HBP1: variants seen among roughly 807,000 people sequenced by gnomAD.
HBP1 encodes HMG box-containing protein 1.
Under a neutral mutation model 62.6 loss-of-function variants are expected in HBP1, and 20 were observed. That is an observed-to-expected ratio of 0.32 (90% CI 0.22 to 0.46). HBP1 has a LOEUF of 0.46. Ranked by LOEUF, HBP1 falls within the 20% of genes least tolerant of loss-of-function variation. The pLI, the probability that HBP1 is intolerant of heterozygous loss-of-function variation, is 1.00. For missense variants in HBP1, 480 were observed against 611.8 expected (o/e 0.78, Z 2.27); for synonymous variants, 232 against 206.2 (o/e 1.12, Z -1.07).
chr7:107,186,156 C>CTTTTTTTTTTTT (rs946488645), intron 4 of HBP1, among the ~76,000 whole-genome samples: 21 of 127,258 alleles, frequency 1.7e-4, no homozygotes, highest in Non-Finnish European at 2.3e-4. Context: ...TCTTTTTTTT[C>CTTTTTTTTTTTT]TTTTTTTTTC....
In HBP1 at chr7:107,184,572, G is replaced by A. The variant is rs528553934; in HGVS notation, c.399-1229G>A. Among the ~76,000 whole-genome samples the A allele has an allele frequency of 5.3e-5, 8 of 152,260 alleles. No homozygotes were observed. In the East Asian group the frequency reaches 5.8e-4, roughly 11 times the overall value. ...GTCGCCCAGGCTCGAGTGCAGTGGT[G>A]CAATCTCGGCTCACTGCAAGCTCCG... On this transcript the variant is annotated intron_variant, in intron 3 of 10. Transcript: ENST00000222574.
intron 9 of HBP1, among the ~76,000 whole-genome samples, chr7:107,197,815 T>A (rs1797999176): frequency 6.6e-6 from 1 of 152,238 alleles, no homozygotes; most frequent in African/African-American, 2.4e-5. Flanking sequence ...AAAAGTTAGT[T>A]TGGAAGTCTA....
At chr7:107,175,310 A>G (rs1796781156) in intron 1 of HBP1, among the ~76,000 whole-genome samples, 1 of 152,108 alleles carries the variant, frequency 6.6e-6, no homozygotes, top group Non-Finnish European at 1.5e-5. Flanking sequence ...TATTCTGAGC[A>G]TTTTACATGA....
chr7:107,179,833 A>G, intron 1 of HBP1, 46 bp from the exon 2 acceptor site: 1 of 1,342,480 alleles, frequency 7.4e-7, no homozygotes, highest in Non-Finnish European at 1.0e-6. Flanking sequence ...GTACTGCCCA[A>G]ATTGCATGGC....
intron 8 of HBP1, chr7:107,193,428 G>A (rs896640655): frequency 6.6e-6 from 1 of 152,104 alleles, no homozygotes; most frequent in African/African-American, 2.4e-5. Flanking sequence ...ACTCACCTAA[G>A]ATACTTCTAC....
chr7:107,170,137 C>T, intron 1 of HBP1: 1 of 948,310 alleles, frequency 1.1e-6, no homozygotes, highest in Non-Finnish European at 1.3e-6. Context: ...CGAGGTAATA[C>T]TCAAGTTTTC....
At chr7:107,187,447 ATATT>A (rs1485443705) in intron 6 of HBP1, among the ~76,000 whole-genome samples, 10 of 152,174 alleles carry the variant, frequency 6.6e-5, no homozygotes, top group Non-Finnish European at 1.3e-4. Context: ...GTAGCGAGCA[ATATT>A]AGGATAAAGT....
chr7:107,177,472 G>T lies in HBP1; in HGVS notation c.-15-2407G>T, dbSNP rs112553921. ...AGTAAGGCAATATGCATGCAGTTGG[G>T]CTATGTGTCAAGAACGCTGTATCTA... On this transcript the variant is annotated intron_variant, in intron 1 of 10. Transcript: ENST00000222574. 8.1e-4 allele frequency among the ~76,000 whole-genome samples: 123 copies of T among 152,316 alleles called. 1 individual carries two copies. The highest frequency in any genetic ancestry group is 2.7e-3 in the African/African-American group (113 of 41,564).
At chr7:107,174,572 A>C in intron 1 of HBP1, 7 of 985,422 alleles carry the variant, frequency 7.1e-6, no homozygotes, top group Non-Finnish European at 8.4e-6. Flanking sequence ...TAGGGAAGAA[A>C]AAAGTTCTAG....
At chr7:107,177,718 A>G (rs1317532811) in intron 1 of HBP1, among the ~76,000 whole-genome samples, 1 of 152,244 alleles carries the variant, frequency 6.6e-6, no homozygotes, top group Non-Finnish European at 1.5e-5. Flanking sequence ...GTATCAAACT[A>G]TAATATGAAA....
Position 107,201,534 on chromosome 7 carries a change from G to A in HBP1, c.*103G>A. 3.0e-6 allele frequency: 2 copies of A among 657,378 alleles called. No homozygotes were observed. The highest frequency in any genetic ancestry group is 2.4e-5 in the Admixed American group (1 of 41,536). The allele number at this position is 657,378 out of a possible 1,614,324, so 40.7% of individuals were successfully genotyped here. A position where few individuals can be genotyped will look rare whatever the true frequency, so the allele number is the denominator to read the frequency against. ...CTCACCATTTGTCCTCAATTCGTGT[G>A]ACCATAAGATACTGATAGCATTGAG... On this transcript the variant is annotated 3_prime_UTR_variant, in exon 11 of 11. Coordinates refer to ENST00000222574, the MANE Select transcript of HBP1 (RefSeq NM_012257.4).
intron 1 of HBP1, chr7:107,169,625 C>A: frequency 2.1e-6 from 1 of 472,686 alleles, no homozygotes; most frequent in Non-Finnish European, 2.8e-6. Flanking sequence ...AGGTGGGGGA[C>A]CCCAGTGAGG....
At chr7:107,196,745 C>T (rs530906143) in intron 9 of HBP1, 1 of 156,688 alleles carries the variant, frequency 6.4e-6, no homozygotes, top group Non-Finnish European at 1.4e-5. Context: ...ATCTCCCAGG[C>T]TCAATCCTCC....
At chr7:107,169,541 C>T (rs915846749) in intron 1 of HBP1, among the ~76,000 whole-genome samples, 14 of 144,772 alleles carry the variant, frequency 9.7e-5, no homozygotes, top group Non-Finnish European at 1.9e-4. Flanking sequence ...CGGGGCTGCC[C>T]AGGAAAGTTT....
rs1160740045 is a variant in HBP1 at position 107,171,071 on chromosome 7, A to ATTTTTTTTTTTTTTTT, written c.-16+1887_-16+1888insTTTTTTTTTTTTTTTT. On this transcript the variant is annotated intron_variant, in intron 1 of 10. Transcript: ENST00000222574. Reference sequence around the variant, plus strand: ...AATATATATATATATATATATATATATATTTTTTTTTTTTTTTGAGAGGGA... The same window carrying ATTTTTTTTTTTTTTTT: ...AATATATATATATATATATATATATATTTTTTTTTTTTTTTTTATTTTTTTTTTTTTTTGAGAGGGA... Among the ~76,000 whole-genome samples the ATTTTTTTTTTTTTTTT allele has an allele frequency of 2.6e-4, 22 of 84,296 alleles. 3 individuals are homozygous for ATTTTTTTTTTTTTTTT. Among genetic ancestry groups the ATTTTTTTTTTTTTTTT allele is most frequent in the African/African-American group, 1.6e-3 (19 of 12,240 alleles). 55.3% of individuals were successfully genotyped at this position (84,296 alleles called of 152,430 possible).
intron 9 of HBP1, among the ~76,000 whole-genome samples, chr7:107,198,617 G>A (rs1247263410): frequency 6.6e-6 from 1 of 152,064 alleles, no homozygotes; most frequent in East Asian, 1.9e-4. Context: ...AAACTGAATG[G>A]GATAAATCAT....
At chr7:107,169,798 C>T (rs2115737735) in intron 1 of HBP1, 2 of 977,912 alleles carry the variant, frequency 2.0e-6, no homozygotes, top group Middle Eastern at 5.3e-4. Context: ...GTCCGGGCTG[C>T]GGTCACATGA....
At chr7:107,185,756 C>T in intron 3 of HBP1, 45 bp from the exon 4 acceptor site, 2 of 1,531,994 alleles carry the variant, frequency 1.3e-6, no homozygotes, top group South Asian at 1.2e-5. Context: ...GAAAGATCTA[C>T]TTTAAGGACC....
intron 8 of HBP1, among the ~76,000 whole-genome samples, chr7:107,195,380 C>G (rs545080210): frequency 6.6e-6 from 1 of 152,258 alleles, no homozygotes; most frequent in Admixed American, 6.5e-5. Context: ...CATTTGTTTT[C>G]TATAGTAGTC....
Sources: allele counts gnomAD v4.1 joint callset (sites outside exome capture counted in the v4.1 genomes callset), GRCh38; gene constraint gnomAD v4.1.1; transcripts MANE v1.5; gene names NCBI Gene and HGNC (gene_info 2026-07-23, HGNC 2026-07-21).